Variants in TAFA2 observed in about 807,000 individuals in gnomAD.
The protein encoded by TAFA2 is TAFA chemokine like family member 2.
In TAFA2, 7 loss-of-function variants were observed where a neutral mutation model predicts 18.8. That is an observed-to-expected ratio of 0.37 (90% CI 0.21 to 0.70). The LOEUF is 0.70. TAFA2 is among the 30% of genes least tolerant of loss of function. The probability of loss-of-function intolerance (pLI) is 0.53; values close to 1 mark genes in which losing one functional copy is unlikely to be tolerated. For missense variants in TAFA2, 122 were observed against 158.1 expected (o/e 0.77, Z 1.23); for synonymous variants, 60 against 54.2 (o/e 1.11, Z -0.47).
At chr12:62,139,286 T>C (rs1245745587) in intron 1 of TAFA2, among the ~76,000 whole-genome samples, 1 of 152,210 alleles carries the variant, frequency 6.6e-6, no homozygotes, top group African/African-American at 2.4e-5. Context: ...CTTCCAGCAG[T>C]GCAAAATGAG....
chr12:62,242,452 A>G (rs1455398100), intron 1 of TAFA2: 2 of 152,332 alleles, frequency 1.3e-5, no homozygotes, highest in Non-Finnish European at 2.9e-5. Flanking sequence ...TTGTTTATTA[A>G]TTTTAGAGAT....
chr12:62,201,771 G>T (rs1186974654), intron 1 of TAFA2, among the ~76,000 whole-genome samples: 1 of 152,100 alleles, frequency 6.6e-6, no homozygotes, highest in Non-Finnish European at 1.5e-5. Flanking sequence ...AGTTGGGAGG[G>T]GTCTCTCCTT....
chr12:61,895,073 A>G (rs1366206528), intron 1 of TAFA2, among the ~76,000 whole-genome samples: 1 of 152,196 alleles, frequency 6.6e-6, no homozygotes, highest in Non-Finnish European at 1.5e-5. Flanking sequence ...TTCCATTTTT[A>G]CATAAGCCAA....
chr12:61,932,782 T>A (rs887818185), intron 1 of TAFA2, among the ~76,000 whole-genome samples: 1 of 152,262 alleles, frequency 6.6e-6, no homozygotes, highest in Non-Finnish European at 1.5e-5. Flanking sequence ...GCAAAGTACT[T>A]CTTTGCTATT....
chr12:61,889,477 G>C (rs1480856723), intron 1 of TAFA2, among the ~76,000 whole-genome samples: 1 of 152,094 alleles, frequency 6.6e-6, no homozygotes, highest in African/African-American at 2.4e-5. Flanking sequence ...AAGTTGGCTG[G>C]TTTCTTTGTT....
chr12:61,975,081 TGC>T (rs1353219253), intron 1 of TAFA2, among the ~76,000 whole-genome samples: 5 of 151,890 alleles, frequency 3.3e-5, no homozygotes, highest in Admixed American at 6.6e-5. Context: ...CATACACATA[TGC>T]ATAGTGAAAT....
intron 1 of TAFA2, among the ~76,000 whole-genome samples, chr12:62,040,221 T>C (rs759177522): frequency 1.3e-5 from 2 of 152,074 alleles, no homozygotes; most frequent in Non-Finnish European, 2.9e-5. Context: ...AGTCAACAAC[T>C]AGATAAGATT....
chr12:62,223,278 A>C (rs2062771705), intron 1 of TAFA2, among the ~76,000 whole-genome samples: 1 of 152,142 alleles, frequency 6.6e-6, no homozygotes, highest in South Asian at 2.1e-4. Context: ...TCTTGGGCTC[A>C]AATGATCCTC....
At chr12:61,881,935 AAGG>A (rs1476466234) in intron 1 of TAFA2, among the ~76,000 whole-genome samples, 3 of 151,932 alleles carry the variant, frequency 2.0e-5, no homozygotes, top group African/African-American at 7.3e-5. Flanking sequence ...AAAAAGCAAG[AAGG>A]GAACATATGA....
chr12:61,756,751 T>C (rs1222629053), intron 2 of TAFA2, among the ~76,000 whole-genome samples: 3 of 152,102 alleles, frequency 2.0e-5, no homozygotes, highest in African/African-American at 4.8e-5. Flanking sequence ...AGGGAATGCA[T>C]ATTTTTTCAA....
intron 1 of TAFA2, among the ~76,000 whole-genome samples, chr12:61,938,821 C>T (rs553037655): frequency 2.6e-5 from 4 of 152,122 alleles, no homozygotes; most frequent in South Asian, 4.2e-4. Context: ...AAACCAAATA[C>T]CTTATGCTTA....
At chr12:61,953,124 G>C (rs941398220) in intron 1 of TAFA2, among the ~76,000 whole-genome samples, 2 of 152,022 alleles carry the variant, frequency 1.3e-5, no homozygotes, top group East Asian at 3.9e-4. Flanking sequence ...TTCTTGAGGT[G>C]AAGAGAAGCA....
chr12:62,067,251 C>G (rs1882514014), intron 1 of TAFA2, among the ~76,000 whole-genome samples: 1 of 151,924 alleles, frequency 6.6e-6, no homozygotes, highest in Non-Finnish European at 1.5e-5. Flanking sequence ...ATATTTTCTC[C>G]CATTCTTTGG....
intron 1 of TAFA2, among the ~76,000 whole-genome samples, chr12:62,177,367 C>T (rs953400631): frequency 9.9e-5 from 15 of 152,218 alleles, no homozygotes; most frequent in African/African-American, 3.4e-4. Flanking sequence ...CAAGTTGCTG[C>T]AAGCTGGGCA....
chr12:61,935,016 A>C (rs1203543006), intron 1 of TAFA2, among the ~76,000 whole-genome samples: 1 of 152,208 alleles, frequency 6.6e-6, no homozygotes, highest in Non-Finnish European at 1.5e-5. Flanking sequence ...GCATTGACCA[A>C]GCCTGGCACG....
intron 1 of TAFA2, among the ~76,000 whole-genome samples, chr12:62,006,514 T>C (rs1336719286): frequency 4.6e-5 from 7 of 152,282 alleles, no homozygotes; most frequent in African/African-American, 1.7e-4. Context: ...AAAATAGATT[T>C]ACAAGGCACT....
At chr12:61,793,384 GAAGAAAAAAA>G (rs1871061514) in intron 2 of TAFA2, among the ~76,000 whole-genome samples, 1 of 149,434 alleles carries the variant, frequency 6.7e-6, no homozygotes, top group South Asian at 2.1e-4. Flanking sequence ...ACAAATGTTA[GAAGAAAAAAA>G]AAACTCCATA....
intron 2 of TAFA2, among the ~76,000 whole-genome samples, chr12:61,866,637 A>T (rs1281135934): frequency 6.6e-6 from 1 of 152,212 alleles, no homozygotes; most frequent in Non-Finnish European, 1.5e-5. Context: ...TGAGTTGTCA[A>T]GCTTAACACA....
chr12:62,133,742 G>T (rs562285079), intron 1 of TAFA2, among the ~76,000 whole-genome samples: 1 of 152,176 alleles, frequency 6.6e-6, no homozygotes, highest in African/African-American at 2.4e-5. Context: ...TTTGTCCTTG[G>T]ACTGTAGCAT....
Sources: allele counts gnomAD v4.1 joint callset (sites outside exome capture counted in the v4.1 genomes callset), GRCh38; gene constraint gnomAD v4.1.1; transcripts MANE v1.5; gene names NCBI Gene and HGNC (gene_info 2026-07-23, HGNC 2026-07-21).